The following OSGIN1 variants were observed in gnomAD, a reference collection of about 807,000 sequenced individuals.
OSGIN1 encodes the protein oxidative stress-induced growth inhibitor 1.
A neutral mutation model predicts 20.1 loss-of-function variants in OSGIN1; 19 were observed. That is an observed-to-expected ratio of 0.95 (90% confidence interval 0.66 to 1.39). The LOEUF (loss-of-function observed/expected upper bound fraction) is 1.39, where lower values mean the gene tolerates loss of function less well. Among genes scored for constraint, OSGIN1 ranks in the 40% most tolerant of loss-of-function variants. The pLI is 0.00. For synonymous variants in OSGIN1, 368 were observed against 297.8 expected, an observed-to-expected ratio of 1.24 and a Z score of -2.43; for missense variants, 820 against 653.0, an observed-to-expected ratio of 1.26 and a Z score of -2.79.
Position 83,966,059 on chromosome 16 carries a change from C to A in OSGIN1, c.*52C>A, listed in dbSNP as rs1215015075. On this transcript the variant is annotated 3_prime_UTR_variant, in exon 6 of 6. Transcript: ENST00000393306. ...GGCCCTGAGAGGACAGAGATGACCA[C>A]ATCCCTGCTGGATGCAGGACCCGTC... 2.9e-6 allele frequency: 4 copies of A among 1,362,284 alleles called. No individual in the cohort carries two copies. The highest frequency in any genetic ancestry group is 2.7e-5 in the Admixed American group (1 of 37,714). 84.4% of individuals were successfully genotyped at this position (1,362,284 alleles called of 1,614,324 possible).
intron 1 of OSGIN1, among the ~76,000 whole-genome samples, chr16:83,955,050 T>C (rs777508135): frequency 6.6e-6 from 1 of 152,154 alleles, no homozygotes; most frequent in Non-Finnish European, 1.5e-5. Context: ...TCACCTCTCC[T>C]AGCCTTAGTC....
Position 83,959,247 on chromosome 16 carries a change from C to G in OSGIN1, c.68-13C>G. The G allele has an allele frequency of 6.2e-7, 1 of 1,611,954 alleles. No homozygotes were observed. Among genetic ancestry groups the G allele is most frequent in the Non-Finnish European group, 8.5e-7 (1 of 1,178,706 alleles). Reference sequence around the variant, plus strand: ...AAAGGCCACCCCCTTTAACCTCCACCCTCTCTCCCCAGGTAACGGCCCCTC... The same window carrying G: ...AAAGGCCACCCCCTTTAACCTCCACGCTCTCTCCCCAGGTAACGGCCCCTC... On this transcript the variant is annotated splice_polypyrimidine_tract_variant and intron_variant, in intron 2 of 5. Coordinates refer to ENST00000393306, the MANE Select transcript of OSGIN1 (RefSeq NM_182981.3).
intron 5 of OSGIN1, among the ~76,000 whole-genome samples, chr16:83,961,594 A>C (rs111755416): frequency 2.6e-5 from 4 of 152,158 alleles, no homozygotes; most frequent in African/African-American, 9.6e-5. Context: ...CCAGAGGTAC[A>C]GGGGCTTCAG....
Position 83,966,060 on chromosome 16 carries a change from A to G in OSGIN1, c.*53A>G, listed in dbSNP as rs74369854. 2,095 of 1,353,218 alleles carry G rather than the reference A, an allele frequency of 1.5e-3. 33 individuals are homozygous for G. In the African/African-American group the frequency reaches 0.027, roughly 18 times the overall value. 83.8% of individuals were successfully genotyped at this position (1,353,218 alleles called of 1,614,324 possible). A position where few individuals can be genotyped will look rare whatever the true frequency, so the allele number is the denominator to read the frequency against. The stretch of plus-strand genomic sequence containing the variant: ...GCCCTGAGAGGACAGAGATGACCAC[A>G]TCCCTGCTGGATGCAGGACCCGTCC... On this transcript the variant is annotated 3_prime_UTR_variant, in exon 6 of 6. Transcript: ENST00000393306.
intron 3 of OSGIN1, 127 bp downstream of exon 3, chr16:83,959,523 TCCA>T: frequency 2.1e-6 from 2 of 935,970 alleles, no homozygotes; most frequent in Non-Finnish European, 3.1e-6. Flanking sequence ...AATTCGAGAG[TCCA>T]CAAAGTCAGC....
Position 83,965,368 on chromosome 16 carries a change from C to A in OSGIN1, c.795C>A (p.Ile265=). Residue 265 remains isoleucine (I), a synonymous_variant, in exon 6 of 6, where the codon ATC becomes ATA. Coordinates refer to ENST00000393306, the MANE Select transcript of OSGIN1 (RefSeq NM_182981.3). The stretch of plus-strand genomic sequence containing the variant: ...TCCCCGGGGAGGCCCTGCCCTTCAT[C>A]CACCATGAGCTGTCTGCCCTGGAGG... ...LGIPGEALPF[I]HHELSALEAA... The A allele has an allele frequency of 6.4e-7, 1 of 1,570,686 alleles. No individual in the cohort carries two copies. The highest frequency in any genetic ancestry group is 8.6e-7 in the Non-Finnish European group (1 of 1,160,726).
intron 1 of OSGIN1, among the ~76,000 whole-genome samples, 194 bp from the exon 2 acceptor site, chr16:83,957,446 G>A (rs954860232): frequency 2.0e-5 from 3 of 152,188 alleles, no homozygotes; most frequent in African/African-American, 4.8e-5. Context: ...ACTGGGGAGG[G>A]GTGGGGCAAA....
chr16:83,961,068 C>T lies in OSGIN1; in HGVS notation c.484C>T (p.Arg162Ter), dbSNP rs147759145. The change falls in exon 5 of 6, where the codon CGA (arginine) becomes TGA (stop). Residue 162 changes from arginine to a stop codon, truncating the protein, a stop_gained. Coordinates refer to ENST00000393306, the MANE Select transcript of OSGIN1 (RefSeq NM_182981.3). LOFTEE classifies it low-confidence loss of function (END_TRUNC). ...GGTCAAGGACTGGATGCAGAAGAAG[C>T]GAAGGTGAGGCCGCCCCGGAACGCC... Reference protein sequence around the residue: ...LEVKDWMQKKRRGLRNSRATA... With the variant: ...LEVKDWMQKK 1.6e-5 allele frequency: 25 copies of T among 1,612,898 alleles called. No homozygotes were observed. Among genetic ancestry groups the T allele is most frequent in the South Asian group, 3.3e-5 (3 of 91,080 alleles).
intron 2 of OSGIN1, among the ~76,000 whole-genome samples, chr16:83,957,999 A>C (rs2255169): frequency 0.9 from 136,729 of 152,086 alleles, 61,697 homozygotes; most frequent in African/African-American, 0.98. Context: ...GCTTCAGCCT[A>C]CCAAGTAGCT....
chr16:83,956,267 A>C (rs750056195), intron 1 of OSGIN1, among the ~76,000 whole-genome samples: 1 of 152,222 alleles, frequency 6.6e-6, no homozygotes, highest in Non-Finnish European at 1.5e-5. Context: ...CACCCTGCAC[A>C]CATCAGAGGC....
At chr16:83,961,306 G>A in intron 5 of OSGIN1, 1 of 502,878 alleles carries the variant, frequency 2.0e-6, no homozygotes, top group South Asian at 2.2e-5. Context: ...AAGTACATTG[G>A]TTCGGTCTGG....
intron 1 of OSGIN1, among the ~76,000 whole-genome samples, chr16:83,956,302 G>C (rs1323493598): frequency 6.6e-6 from 1 of 152,224 alleles, no homozygotes; most frequent in African/African-American, 2.4e-5. Flanking sequence ...AGCTGTGTTT[G>C]GTTGGCCTTT....
At chr16:83,961,100 G>T (rs552364463) in intron 5 of OSGIN1, 28 bp downstream of exon 5, 4 of 1,564,188 alleles carry the variant, frequency 2.6e-6, no homozygotes, top group African/African-American at 2.7e-5. Context: ...CGCCTTGGGG[G>T]ACACGGAAGG....
intron 5 of OSGIN1, among the ~76,000 whole-genome samples, chr16:83,963,037 C>T (rs924721233): frequency 1.3e-5 from 2 of 152,202 alleles, no homozygotes; most frequent in Admixed American, 6.5e-5. Flanking sequence ...GCGCAGATAC[C>T]TGGGTGCAGT....
intron 1 of OSGIN1, among the ~76,000 whole-genome samples, chr16:83,956,726 C>G (rs1231933838): frequency 2.6e-5 from 4 of 152,218 alleles, no homozygotes; most frequent in South Asian, 4.1e-4. Context: ...ACCCGGTACA[C>G]AGTAAGTGCC....
rs772278790 is a variant in OSGIN1, at chr16:83,965,111, A to G, written c.538A>G (p.Arg180Gly). ...ATAGDIAHYY[R>G]DYVVKKGLGH... ...TGCCGGGGACATCGCCCACTACTAC[A>G]GGGACTACGTGGTCAAGAAGGGTCT... Residue 180 changes from arginine (R) to glycine (G), a missense_variant, in exon 6 of 6, where the codon AGG (arginine) becomes GGG (glycine). Physicochemically the swap from Arg to Gly is moderately radical, Grantham distance 125. Coordinates refer to ENST00000393306, the MANE Select transcript of OSGIN1 (RefSeq NM_182981.3). 8.7e-6 allele frequency: 14 copies of G among 1,612,748 alleles called. No homozygotes were observed. The East Asian group carries it at 2.9e-4, about 33-fold the overall frequency.
rs1908776619 is a variant in OSGIN1 at position 83,953,306 on chromosome 16, T to C, written c.-97T>C. 1 of 1,288,682 alleles carries C rather than the reference T, an allele frequency of 7.8e-7. No homozygotes were observed. The allele number at this position is 1,288,682 out of a possible 1,614,324, so 79.8% of individuals were successfully genotyped here. On this transcript the variant is annotated 5_prime_UTR_variant, in exon 1 of 6. Coordinates refer to ENST00000393306, the MANE Select transcript of OSGIN1 (RefSeq NM_182981.3). ...TCGCGGGGGACTCTGTGATCCGTGT[T>C]CCCCTGACCCTCCTAGTGCACAACT...
chr16:83,956,450 T>C (rs824398), intron 1 of OSGIN1, among the ~76,000 whole-genome samples: 138,680 of 152,302 alleles, frequency 0.91, 63,340 homozygotes, highest in African/African-American at 0.98. Context: ...CTGGCCACTC[T>C]GGGTGGTCCA....
Position 83,966,114 on chromosome 16 carries a change from C to A in OSGIN1, c.*107C>A. 1.1e-6 allele frequency: 1 copy of A among 935,426 alleles called. No homozygotes were observed. The highest frequency in any genetic ancestry group is 1.6e-6 in the Non-Finnish European group (1 of 643,456). The allele number at this position is 935,426 out of a possible 1,614,324, so 57.9% of individuals were successfully genotyped here. A position where few individuals can be genotyped will look rare whatever the true frequency, so the allele number is the denominator to read the frequency against. ...GATGCCCCGGGGAGGGGTGTCAGCC[C>A]ACGTTGCTGGCCTTTGGGGTCAAGA... On this transcript the variant is annotated 3_prime_UTR_variant, in exon 6 of 6. Coordinates refer to ENST00000393306, the MANE Select transcript of OSGIN1 (RefSeq NM_182981.3).
Sources: allele counts gnomAD v4.1 joint callset (sites outside exome capture counted in the v4.1 genomes callset), GRCh38; gene constraint gnomAD v4.1.1; transcripts MANE v1.5; gene names NCBI Gene and HGNC (gene_info 2026-07-23, HGNC 2026-07-21).